LRP1B: variants seen among roughly 807,000 people sequenced by gnomAD.
LRP1B encodes the protein LDL receptor related protein 1B.
In LRP1B, 217 loss-of-function variants were observed where a neutral mutation model predicts 556.6. That is an observed-to-expected ratio of 0.39 (90% confidence interval 0.35 to 0.44). The LOEUF is 0.44. Ranked by LOEUF, LRP1B falls within the 20% of genes least tolerant of loss-of-function variation. The pLI is 1.00. For missense variants in LRP1B, 5,053 were observed against 5,620.8 expected, an observed-to-expected ratio of 0.90 and a Z score of 3.23; for synonymous variants, 2,047 against 1,865.8, an observed-to-expected ratio of 1.10 and a Z score of -2.50.
chr2:140,364,847 A>G, intron 71 of LRP1B, 64 bp from the exon 72 acceptor site: 1 of 1,482,020 alleles, frequency 6.7e-7, no homozygotes, highest in Non-Finnish European at 9.3e-7. Flanking sequence ...AGCAGGATCC[A>G]TATTCTTCTG....
At chr2:141,974,374 A>G (rs1701825031) in intron 1 of LRP1B, among the ~76,000 whole-genome samples, 1 of 152,020 alleles carries the variant, frequency 6.6e-6, no homozygotes, top group African/African-American at 2.4e-5. Flanking sequence ...TTCAGAGATC[A>G]AGGAACTGGT....
intron 67 of LRP1B, among the ~76,000 whole-genome samples, chr2:140,378,935 T>C (rs1465184439): frequency 6.6e-6 from 1 of 152,198 alleles, no homozygotes; most frequent in Non-Finnish European, 1.5e-5. Context: ...TTAGCAGTTA[T>C]TGATTTAATT....
chr2:140,966,524 T>C (rs1367872395), intron 18 of LRP1B, among the ~76,000 whole-genome samples: 3 of 152,216 alleles, frequency 2.0e-5, no homozygotes, highest in Non-Finnish European at 4.4e-5. Context: ...TGGAAGTTTC[T>C]TTTGCTGTGC....
At chr2:140,328,819 A>G (rs5005746) in intron 79 of LRP1B, among the ~76,000 whole-genome samples, 67,114 of 151,698 alleles carry the variant, frequency 0.44, 15,513 homozygotes, top group Non-Finnish European at 0.53. Context: ...TTTCATACAC[A>G]TACACACACA....
At chr2:141,098,226 G>T (rs1299081773) in intron 7 of LRP1B, among the ~76,000 whole-genome samples, 1 of 149,620 alleles carries the variant, frequency 6.7e-6, no homozygotes, top group African/African-American at 2.6e-5. Context: ...CTTTTAAATT[G>T]GTTGTAAAAA....
chr2:141,654,187 A>G (rs2105384001), intron 2 of LRP1B, among the ~76,000 whole-genome samples: 1 of 152,304 alleles, frequency 6.6e-6, no homozygotes, highest in East Asian at 1.9e-4. Flanking sequence ...TTAAATTGCA[A>G]AGGAGAAAAG....
At chr2:141,889,034 T>C (rs1699205834) in intron 1 of LRP1B, among the ~76,000 whole-genome samples, 1 of 152,156 alleles carries the variant, frequency 6.6e-6, no homozygotes, top group Non-Finnish European at 1.5e-5. Context: ...TACCCCAGAA[T>C]AGAGCCTCTC....
intron 2 of LRP1B, among the ~76,000 whole-genome samples, chr2:141,633,459 A>G (rs1688985569): frequency 6.6e-6 from 1 of 152,152 alleles, no homozygotes; most frequent in Non-Finnish European, 1.5e-5. Context: ...CATTCAGCAT[A>G]GAAAAAGTTA....
intron 41 of LRP1B, among the ~76,000 whole-genome samples, chr2:140,690,858 C>T (rs1686210194): frequency 6.6e-6 from 1 of 152,072 alleles, no homozygotes; most frequent in Non-Finnish European, 1.5e-5. Flanking sequence ...CTCCATTAGA[C>T]CTTTCCAGTA....
chr2:141,800,350 C>T (rs997341383), intron 2 of LRP1B, among the ~76,000 whole-genome samples: 2 of 152,200 alleles, frequency 1.3e-5, no homozygotes, highest in African/African-American at 4.8e-5. Flanking sequence ...CACTTAATTA[C>T]TTTAAGTAAA....
chr2:142,012,357 C>A (rs2105157911), intron 1 of LRP1B, among the ~76,000 whole-genome samples: 1 of 152,132 alleles, frequency 6.6e-6, no homozygotes, highest in East Asian at 1.9e-4. Context: ...AGATTATATT[C>A]TTTATCTTAC....
intron 3 of LRP1B, among the ~76,000 whole-genome samples, chr2:141,468,254 T>C (rs574048801): frequency 1.8e-4 from 28 of 152,244 alleles, no homozygotes; most frequent in South Asian, 2.1e-4. Flanking sequence ...ACTGAAGTCA[T>C]TGGCGGAAAG....
intron 66 of LRP1B, among the ~76,000 whole-genome samples, chr2:140,430,834 C>G (rs1285938926): frequency 6.6e-6 from 1 of 152,204 alleles, no homozygotes; most frequent in Non-Finnish European, 1.5e-5. Context: ...ATCTGCTATT[C>G]TACTACCCCT....
intron 6 of LRP1B, among the ~76,000 whole-genome samples, chr2:141,218,393 A>G (rs1682901150): frequency 6.6e-6 from 1 of 152,214 alleles, no homozygotes; most frequent in Non-Finnish European, 1.5e-5. Flanking sequence ...CTAGGTGCCC[A>G]TCAATTGTGG....
At chr2:140,239,361 A>G (rs1009359901) in intron 88 of LRP1B, 81 bp downstream of exon 88, 7 of 893,668 alleles carry the variant, frequency 7.8e-6, no homozygotes, top group Non-Finnish European at 1.2e-5. Flanking sequence ...ATGTTTAAAA[A>G]AATTAACAAC....
At chr2:142,039,972 T>G (rs1704009481) in intron 1 of LRP1B, among the ~76,000 whole-genome samples, 1 of 151,444 alleles carries the variant, frequency 6.6e-6, no homozygotes. Context: ...CCCAACTAAT[T>G]GTATTGTTTA....
chr2:141,272,411 A>C (rs184184591), intron 3 of LRP1B, among the ~76,000 whole-genome samples: 2 of 152,280 alleles, frequency 1.3e-5, no homozygotes, highest in East Asian at 3.9e-4. Flanking sequence ...ATAGAAATCC[A>C]AAAATGACAT....
At chr2:140,906,201 C>A (rs919032345) in intron 22 of LRP1B, among the ~76,000 whole-genome samples, 5 of 152,130 alleles carry the variant, frequency 3.3e-5, no homozygotes, top group Non-Finnish European at 2.9e-5. Context: ...ACACCAGATT[C>A]CTCCTTATAA....
chr2:140,737,111 T>C (rs1687973682), intron 35 of LRP1B, among the ~76,000 whole-genome samples: 1 of 152,106 alleles, frequency 6.6e-6, no homozygotes, highest in Admixed American at 6.5e-5. Context: ...CCAATAAAAA[T>C]GTATGATCCC....
Sources: gnomAD v4.1 joint callset for allele counts (sites outside exome capture counted in the v4.1 genomes callset) on GRCh38, gnomAD v4.1.1 for gene constraint, MANE v1.5 for transcripts, NCBI Gene and HGNC (gene_info 2026-07-23, HGNC 2026-07-21) for gene names.